The following THOC2 variants were observed in gnomAD, a reference collection of about 807,000 sequenced individuals.
The protein encoded by THOC2 is THO complex 2.
In THOC2, 10 loss-of-function variants were observed where a neutral mutation model predicts 128.4. The ratio of observed to expected loss-of-function variants is 0.08; its 90% CI spans 0.05 to 0.13. The LOEUF (loss-of-function observed/expected upper bound fraction) is 0.13, where lower values mean the gene tolerates loss of function less well. Among genes scored for constraint, THOC2 ranks in the 10% least tolerant of loss-of-function variants. The pLI is 1.00. For synonymous variants in THOC2, 393 were observed against 396.9 expected, an observed-to-expected ratio of 0.99 and a Z score of 0.12; for missense variants, 535 against 1,155.7, an observed-to-expected ratio of 0.46 and a Z score of 7.79.
In THOC2 at chrX:123,631,899, T is replaced by C. The variant is rs3764750; in HGVS notation, c.2317-47A>G. ...AAATCAACATATTTTCCAAAGTGAT[T>C]AAGAAGTCATTTTAGGAATATTTTA... On this transcript the variant is annotated intron_variant, in intron 21 of 38. Transcript: ENST00000245838. 0.3 allele frequency: 332,696 copies of C among 1,095,990 alleles called. 36,297 individuals are homozygous for C. Among genetic ancestry groups the C allele is most frequent in the East Asian group, 0.71 (23,338 of 32,847 alleles). 90.3% of individuals were successfully genotyped at this position (1,095,990 alleles called of 1,213,427 possible).
intron 4 of THOC2, among the ~76,000 whole-genome samples, chrX:123,698,072 C>A (rs1433418441): frequency 1.9e-5 from 2 of 108,047 alleles, no homozygotes; most frequent in Non-Finnish European, 3.8e-5. Flanking sequence ...GTTTAAATGA[C>A]CACTTGTCAG....
At chrX:123,621,081 C>A (rs1481914892) in intron 31 of THOC2, 76 bp downstream of exon 31, 7 of 1,173,251 alleles carry the variant, frequency 6.0e-6, no homozygotes, top group Non-Finnish European at 8.0e-6. Context: ...ATATAACTTA[C>A]CAAAACAAGG....
chrX:123,634,619 C>T (rs1055690381), intron 19 of THOC2, among the ~76,000 whole-genome samples: 1 of 111,361 alleles, frequency 9.0e-6, no homozygotes, highest in African/African-American at 3.3e-5. Context: ...ATCAGTTGAC[C>T]CAATAAAGTC....
intron 12 of THOC2, among the ~76,000 whole-genome samples, chrX:123,664,425 A>G (rs774152574): frequency 8.9e-6 from 1 of 112,466 alleles, no homozygotes; most frequent in Non-Finnish European, 1.9e-5. Flanking sequence ...GGCAACCTAC[A>G]GAATGGTAGA....
At chrX:123,647,198 A>C (rs1028115953) in intron 12 of THOC2, among the ~76,000 whole-genome samples, 5 of 111,999 alleles carry the variant, frequency 4.5e-5, no homozygotes, top group Non-Finnish European at 9.4e-5. Context: ...GCAGTAAAAG[A>C]CCTTCCTATC....
At chrX:123,633,490 C>T (rs997253091) in intron 20 of THOC2, among the ~76,000 whole-genome samples, 1 of 111,692 alleles carries the variant, frequency 9.0e-6, no homozygotes, top group African/African-American at 3.3e-5. Flanking sequence ...GCAACCTCCG[C>T]CTCCTGGGTT....
intron 4 of THOC2, among the ~76,000 whole-genome samples, chrX:123,702,824 A>G (rs1477484251): frequency 9.2e-6 from 1 of 109,083 alleles, no homozygotes; most frequent in Non-Finnish European, 1.9e-5. Flanking sequence ...GTGCTCAGTT[A>G]TTTTCATCTA....
intron 32 of THOC2, chrX:123,620,111 C>T (rs1156490987): frequency 9.0e-6 from 1 of 110,635 alleles, no homozygotes; most frequent in African/African-American, 3.3e-5. Flanking sequence ...AAAAGTTCAA[C>T]GTACTGCAAA....
intron 1 of THOC2, among the ~76,000 whole-genome samples, chrX:123,713,394 G>A (rs992893719): frequency 9.4e-6 from 1 of 106,529 alleles, no homozygotes; most frequent in Non-Finnish European, 1.9e-5. Context: ...AGAATTGCTT[G>A]AACCCAGGAG....
At chrX:123,717,693 C>CAAA (rs753080854) in intron 1 of THOC2, among the ~76,000 whole-genome samples, 4 of 82,531 alleles carry the variant, frequency 4.8e-5, no homozygotes, top group Non-Finnish European at 6.9e-5. Context: ...TATATGGAAC[C>CAAA]AAAAAAAAAA....
chrX:123,724,777 C>T (rs926279625), intron 1 of THOC2, among the ~76,000 whole-genome samples: 10 of 111,897 alleles, frequency 8.9e-5, no homozygotes, highest in African/African-American at 1.9e-4. Context: ...TAGTAGCTCA[C>T]GTCTGTAATC....
intron 33 of THOC2, among the ~76,000 whole-genome samples, chrX:123,617,193 C>G (rs997816608): frequency 9.0e-6 from 1 of 110,722 alleles, no homozygotes; most frequent in Non-Finnish European, 1.9e-5. Context: ...CATGCTTTAC[C>G]AAAGTGCAAA....
At chrX:123,703,354 C>T in intron 4 of THOC2, 100 bp downstream of exon 4, 1 of 532,118 alleles carries the variant, frequency 1.9e-6, no homozygotes, top group Non-Finnish European at 3.1e-6. Context: ...TCTAGACTTG[C>T]AGAAACATTT....
At chrX:123,606,363 G>GGGC (rs1193580000) in intron 38 of THOC2, among the ~76,000 whole-genome samples, 1 of 110,615 alleles carries the variant, frequency 9.0e-6, no homozygotes, top group African/African-American at 3.3e-5. Flanking sequence ...AGGCCAAGGA[G>GGGC]GGCGGTTCAC....
chrX:123,688,351 T>C (rs766693334), intron 7 of THOC2, among the ~76,000 whole-genome samples: 13 of 112,078 alleles, frequency 1.2e-4, no homozygotes, highest in Non-Finnish European at 2.4e-4. Context: ...TTATGCTGAA[T>C]GAAATAAGCC....
intron 23 of THOC2, among the ~76,000 whole-genome samples, chrX:123,627,149 A>G (rs749826792): frequency 1.8e-5 from 2 of 112,355 alleles, no homozygotes; most frequent in African/African-American, 6.5e-5. Context: ...TACCAAGTCT[A>G]CTTTTCTCCC....
intron 38 of THOC2, among the ~76,000 whole-genome samples, chrX:123,608,582 G>T (rs998768953): frequency 6.3e-5 from 7 of 110,506 alleles, no homozygotes; most frequent in African/African-American, 1.6e-4. Flanking sequence ...AAATTAGCCA[G>T]GTATGGTGGT....
At chrX:123,694,591 G>C (rs1303395947) in intron 7 of THOC2, among the ~76,000 whole-genome samples, 1 of 97,805 alleles carries the variant, frequency 1.0e-5, no homozygotes, top group Non-Finnish European at 2.0e-5. Context: ...CTGGGTGACG[G>C]AGTGAGACTC....
At chrX:123,678,432 A>G (rs750839475) in intron 8 of THOC2, among the ~76,000 whole-genome samples, 1 of 108,439 alleles carries the variant, frequency 9.2e-6, no homozygotes, top group South Asian at 4.2e-4. Context: ...AGCCCAGCTA[A>G]TTTTTCCGTT....
Sources: gnomAD v4.1 joint callset for allele counts (sites outside exome capture counted in the v4.1 genomes callset) on GRCh38, gnomAD v4.1.1 for gene constraint, MANE v1.5 for transcripts, NCBI Gene and HGNC (gene_info 2026-07-23, HGNC 2026-07-21) for gene names.